TNS1: variants seen among roughly 807,000 people sequenced by gnomAD.
TNS1 encodes tensin-1.
TNS1 carries 62 observed loss-of-function variants against 168.6 expected under a neutral mutation model. The ratio of observed to expected loss-of-function variants is 0.37; its 90% CI spans 0.30 to 0.45. The LOEUF (loss-of-function observed/expected upper bound fraction) is 0.45. Ranked by LOEUF, TNS1 falls within the 20% of genes least tolerant of loss-of-function variation. The pLI is 1.00. For missense variants in TNS1, 2,240 were observed against 2,339.4 expected, an observed-to-expected ratio of 0.96 and a Z score of 0.88; for synonymous variants, 934 against 933.2, an observed-to-expected ratio of 1.00 and a Z score of -0.02.
At chr2:217,812,670 T>G (rs1941166947) in intron 27 of TNS1, among the ~76,000 whole-genome samples, 1 of 152,194 alleles carries the variant, frequency 6.6e-6, no homozygotes. Flanking sequence ...ACAACTTTCC[T>G]TTGCAGAAAG....
At chr2:217,855,751 T>G (rs936428482) in intron 18 of TNS1, among the ~76,000 whole-genome samples, 2 of 152,208 alleles carry the variant, frequency 1.3e-5, no homozygotes, top group Non-Finnish European at 2.9e-5. Context: ...GAAAGCTTTA[T>G]GTAGTTCTGT....
At chr2:217,917,004 C>G (rs912696863) in intron 4 of TNS1, among the ~76,000 whole-genome samples, 1 of 152,222 alleles carries the variant, frequency 6.6e-6, no homozygotes, top group Admixed American at 6.5e-5. Context: ...CCCTTTCCTC[C>G]CTCTTGTGAA....
chr2:217,834,976 C>A, intron 21 of TNS1, 115 bp downstream of exon 21: 1 of 848,436 alleles, frequency 1.2e-6, no homozygotes, highest in South Asian at 2.0e-5. Flanking sequence ...ACGTTCTGGC[C>A]CCACCTGGGG....
chr2:217,973,847 T>C (rs1239028514), intron 3 of TNS1, among the ~76,000 whole-genome samples: 1 of 151,154 alleles, frequency 6.6e-6, no homozygotes, highest in African/African-American at 2.4e-5. Context: ...TCATAGCAGG[T>C]CTGCTCCTAA....
At position 217,847,671 on chromosome 2, in the gene TNS1, G is replaced by A. The variant is rs567400983; in HGVS notation, c.2846C>T (p.Pro949Leu). 5.6e-5 allele frequency: 90 copies of A among 1,598,156 alleles called. No homozygotes were observed. Among genetic ancestry groups the A allele is most frequent in the South Asian group, 1.9e-4 (17 of 90,406 alleles). Reference sequence around the variant, plus strand: ...AGGCCCTGGAGGGCTGTGGGTGGTCGGAAGGAAGGCAGGCAAGGAGGAAGA... The same window carrying A: ...AGGCCCTGGAGGGCTGTGGGTGGTCAGAAGGAAGGCAGGCAAGGAGGAAGA... ...PASSSLPAFL[P>L]TTHSPPGPQQ... The change falls in exon 19 of 33, where the codon CCG (proline) becomes CTG (leucine). Residue 949 changes from proline to leucine, a missense_variant. By Grantham distance (98) the Pro-to-Leu change is moderately conservative (BLOSUM62 -3). Around this residue, in one of 2 missense-constraint regions of TNS1, gnomAD observed 2,131 missense variants for 2,171.2 expected, o/e 0.98. Coordinates refer to ENST00000682258, the MANE Select transcript of TNS1 (RefSeq NM_001387777.1).
intron 22 of TNS1, 27 bp downstream of exon 22, chr2:217,831,427 CT>C (rs1944406063): frequency 1.3e-6 from 2 of 1,546,292 alleles, no homozygotes; most frequent in Non-Finnish European, 1.7e-6. Context: ...CCTGGCCCCC[CT>C]CCCCATCTTC....
chr2:218,022,217 G>C (rs1958811550), intron 1 of TNS1, among the ~76,000 whole-genome samples: 1 of 152,112 alleles, frequency 6.6e-6, no homozygotes, highest in South Asian at 2.1e-4. Flanking sequence ...GGGAGGCAGA[G>C]TGACAGGGAG....
chr2:217,879,502 G>A (rs1244169922), intron 18 of TNS1: 2 of 428,884 alleles, frequency 4.7e-6, no homozygotes, highest in African/African-American at 4.1e-5. Context: ...CAATCTGAGG[G>A]TGCTGGGCCC....
intron 18 of TNS1, among the ~76,000 whole-genome samples, chr2:217,850,954 G>A (rs974973905): frequency 6.6e-6 from 1 of 152,148 alleles, no homozygotes; most frequent in Non-Finnish European, 1.5e-5. Flanking sequence ...CATCGCCTCC[G>A]AGCCAGACAG....
At chr2:217,834,691 G>T (rs1047458475) in intron 21 of TNS1, among the ~76,000 whole-genome samples, 22 of 152,318 alleles carry the variant, frequency 1.4e-4, no homozygotes, top group African/African-American at 5.3e-4. Flanking sequence ...AATGGAAGAG[G>T]TGTCTGGATG....
intron 1 of TNS1, among the ~76,000 whole-genome samples, chr2:217,998,290 C>T (rs1311693357): frequency 6.6e-6 from 1 of 152,106 alleles, no homozygotes; most frequent in Non-Finnish European, 1.5e-5. Context: ...CTCTCTCTCT[C>T]TCTCCTCCTT....
At chr2:217,841,369 C>T in intron 19 of TNS1, 1 of 643,276 alleles carries the variant, frequency 1.6e-6, no homozygotes, top group Non-Finnish European at 1.9e-6. Flanking sequence ...AGGCACCCCA[C>T]CAACAGCACA....
intron 1 of TNS1, among the ~76,000 whole-genome samples, chr2:218,000,711 T>C (rs547333710): frequency 2.9e-4 from 44 of 151,976 alleles, no homozygotes; most frequent in Admixed American, 2.7e-3. Flanking sequence ...TCCTATCTGG[T>C]GCCAGGACTG....
chr2:217,848,231 TC>T lies in TNS1; in HGVS notation c.2285del (p.Gly762GlufsTer11). 1 of 1,577,274 alleles carries T rather than the reference TC, an allele frequency of 6.3e-7. No individual in the cohort carries two copies. The highest frequency in any genetic ancestry group is 8.6e-7 in the Non-Finnish European group (1 of 1,162,208). On this transcript the variant is annotated frameshift_variant, in exon 19 of 33. Transcript: ENST00000682258. LOFTEE classifies it high-confidence loss of function. ...CCCTTTGCACAGCCTCCCGGCTGCT[TC>T]CCCCTCGGACCGGAGCTGGGGGCAG... Reference protein sequence around the residue: ...PQLPPAPVRGGSSREAVQRGL... With the variant: ...PQLPPAPVRGXSSREAVQRGL...
At chr2:217,960,212 C>G (rs1309126537) in intron 3 of TNS1, among the ~76,000 whole-genome samples, 3 of 152,130 alleles carry the variant, frequency 2.0e-5, no homozygotes, top group Non-Finnish European at 4.4e-5. Context: ...CAACATGTAC[C>G]ATTTACAAAG....
intron 15 of TNS1, 82 bp from the exon 16 acceptor site, chr2:217,885,246 T>C (rs1387982415): frequency 7.6e-6 from 12 of 1,580,624 alleles, no homozygotes; most frequent in Non-Finnish European, 1.0e-5. Context: ...TCAGCTCCGC[T>C]GACTGAGCCC....
intron 18 of TNS1, chr2:217,859,360 C>T: frequency 2.4e-6 from 1 of 419,516 alleles, no homozygotes; most frequent in Non-Finnish European, 4.2e-6. Context: ...TTTTCCCTCT[C>T]TCTCCCCCTT....
At chr2:217,808,548 C>G in intron 31 of TNS1, 55 bp downstream of exon 31, 1 of 1,546,882 alleles carries the variant, frequency 6.5e-7, no homozygotes, top group South Asian at 1.1e-5. Context: ...TGCACCCACA[C>G]AGACGTCAGT....
chr2:217,973,739 G>A (rs1042490377), intron 3 of TNS1, among the ~76,000 whole-genome samples: 2 of 152,168 alleles, frequency 1.3e-5, no homozygotes, highest in African/African-American at 4.8e-5. Flanking sequence ...CTGTACAATG[G>A]GGCCACCGTG....
Sources: allele counts gnomAD v4.1 joint callset (sites outside exome capture counted in the v4.1 genomes callset), GRCh38; gene constraint gnomAD v4.1.1; regional missense constraint gnomAD v4.1.1; transcripts MANE v1.5; gene names NCBI Gene and HGNC (gene_info 2026-07-23, HGNC 2026-07-21).